Variants in AUH observed in about 807,000 individuals in gnomAD.
AUH encodes AU RNA binding methylglutaconyl-CoA hydratase.
AUH carries 29 observed loss-of-function variants against 42.3 expected under a neutral mutation model. That is an observed-to-expected ratio of 0.69 (90% confidence interval 0.51 to 0.93). AUH has a LOEUF of 0.93. AUH is among the 40% of genes least tolerant of loss of function. AUH has a pLI of 0.00. For synonymous variants in AUH, 174 were observed against 166.4 expected (o/e 1.05, Z -0.35); for missense variants, 452 against 438.1 (o/e 1.03, Z -0.28).
At chr9:91,349,318 G>A (rs1013177694) in intron 3 of AUH, among the ~76,000 whole-genome samples, 3 of 152,094 alleles carry the variant, frequency 2.0e-5, no homozygotes, top group African/African-American at 7.2e-5. Context: ...AAACAATTTA[G>A]GGTTCTACAT....
At chr9:91,224,115 TGTC>T (rs1827293774) in intron 6 of AUH, among the ~76,000 whole-genome samples, 1 of 152,170 alleles carries the variant, frequency 6.6e-6, no homozygotes, top group African/African-American at 2.4e-5. Context: ...TGGCAATACT[TGTC>T]GTGACAGTGA....
rs573502119 is a variant in AUH at position 91,214,265 on chromosome 9, T to A, written c.*83A>T. 136 of 1,182,602 alleles carry A rather than the reference T, an allele frequency of 1.2e-4. 3 individuals are homozygous for A. The South Asian group carries it at 1.8e-3, about 15-fold the overall frequency. 73.3% of individuals were successfully genotyped at this position (1,182,602 alleles called of 1,614,324 possible). ...CTTCACTTTGGTCATTAAGGTTCCATGTGCTGAGGCATATAGTGGATCCGA... is the reference window on the plus strand; with the variant it reads ...CTTCACTTTGGTCATTAAGGTTCCAAGTGCTGAGGCATATAGTGGATCCGA... On this transcript the variant is annotated 3_prime_UTR_variant, in exon 10 of 10. Coordinates refer to ENST00000375731, the MANE Select transcript of AUH (RefSeq NM_001698.3).
intron 6 of AUH, among the ~76,000 whole-genome samples, chr9:91,273,691 T>C (rs1825333411): frequency 6.6e-6 from 1 of 152,216 alleles, no homozygotes; most frequent in Non-Finnish European, 1.5e-5. Context: ...AACATGCATA[T>C]GTGTACATTC....
intron 3 of AUH, among the ~76,000 whole-genome samples, chr9:91,352,686 GC>G (rs2132058199): frequency 6.6e-6 from 1 of 152,190 alleles, no homozygotes; most frequent in African/African-American, 2.4e-5. Flanking sequence ...AAAAGATGTA[GC>G]CAAATTTACT....
At chr9:91,329,138 G>A (rs1830151540) in intron 3 of AUH, among the ~76,000 whole-genome samples, 2 of 151,768 alleles carry the variant, frequency 1.3e-5, no homozygotes, top group Admixed American at 6.6e-5. Flanking sequence ...TCCCTTCATC[G>A]GATGACAGAT....
At chr9:91,355,755 TA>T in intron 3 of AUH, 127 bp downstream of exon 3, 1 of 802,170 alleles carries the variant, frequency 1.2e-6, no homozygotes. Flanking sequence ...TGTGAATCAG[TA>T]AAACACAGAC....
At chr9:91,318,733 G>A (rs1829348195) in intron 4 of AUH, among the ~76,000 whole-genome samples, 1 of 152,216 alleles carries the variant, frequency 6.6e-6, no homozygotes. Flanking sequence ...TTCAGGATAA[G>A]CCATAGGAGC....
intron 1 of AUH, among the ~76,000 whole-genome samples, chr9:91,361,085 A>G (rs563298507): frequency 1.2e-3 from 177 of 152,350 alleles, no homozygotes; most frequent in Non-Finnish European, 1.5e-3. Context: ...GAGGAAAATA[A>G]AAAGTGCTCA....
intron 3 of AUH, among the ~76,000 whole-genome samples, chr9:91,339,007 C>T (rs1830905391): frequency 6.6e-6 from 1 of 152,020 alleles, no homozygotes; most frequent in Non-Finnish European, 1.5e-5. Flanking sequence ...GTGAGGAAAC[C>T]TAACATTACC....
intron 1 of AUH, 42 bp downstream of exon 1, chr9:91,361,586 G>T: frequency 1.9e-6 from 3 of 1,556,254 alleles, no homozygotes; most frequent in Admixed American, 1.9e-5. Flanking sequence ...GAGAGCGAGC[G>T]GCCGCCCGCT....
intron 1 of AUH, 87 bp from the exon 2 acceptor site, chr9:91,356,242 G>T: frequency 1.9e-6 from 2 of 1,051,808 alleles, no homozygotes; most frequent in Non-Finnish European, 2.9e-6. Context: ...AGCTAGCTTC[G>T]AACTTAACAA....
At chr9:91,243,600 C>T (rs184866033) in intron 6 of AUH, among the ~76,000 whole-genome samples, 1 of 152,272 alleles carries the variant, frequency 6.6e-6, no homozygotes, top group Admixed American at 6.5e-5. Context: ...GCTAGTGCTA[C>T]AAGAAAAGGC....
rs1491379388 is a variant in AUH at position 91,313,821 on chromosome 9, C to CT, written c.505+11496dup. 4.8e-4 allele frequency among the ~76,000 whole-genome samples: 54 copies of CT among 112,294 alleles called. 2 individuals are homozygous for CT. Among genetic ancestry groups the CT allele is most frequent in the East Asian group, 4.8e-3 (19 of 3,966 alleles). The allele number at this position is 112,294 out of a possible 152,430, so 73.7% of individuals were successfully genotyped here. On this transcript the variant is annotated intron_variant, in intron 4 of 9. Transcript: ENST00000375731. ...CTGTGCAGTATCTGGTCCATAAACG[C>CT]TCTTTTTTTTTTTTTTTTGAGACCG...
chr9:91,284,955 A>C (rs1167111436), intron 6 of AUH, among the ~76,000 whole-genome samples: 1 of 152,212 alleles, frequency 6.6e-6, no homozygotes, highest in Non-Finnish European at 1.5e-5. Flanking sequence ...CCATCCCGTT[A>C]CTGGGTATAC....
At chr9:91,227,192 T>C (rs1827553656) in intron 6 of AUH, among the ~76,000 whole-genome samples, 1 of 151,254 alleles carries the variant, frequency 6.6e-6, no homozygotes, top group Non-Finnish European at 1.5e-5. Flanking sequence ...GAGCATGGAA[T>C]GTTCTTCCAT....
At chr9:91,355,583 T>G (rs1019601913) in intron 3 of AUH, among the ~76,000 whole-genome samples, 3 of 151,766 alleles carry the variant, frequency 2.0e-5, no homozygotes, top group African/African-American at 7.3e-5. Context: ...CTAAAGAATA[T>G]TGGCCACAAT....
At chr9:91,312,314 A>G (rs1393126942) in intron 4 of AUH, among the ~76,000 whole-genome samples, 1 of 152,244 alleles carries the variant, frequency 6.6e-6, no homozygotes, top group Admixed American at 6.5e-5. Flanking sequence ...AAATGTGAAT[A>G]TAACAGGAGG....
intron 6 of AUH, among the ~76,000 whole-genome samples, chr9:91,290,937 A>G (rs1381501826): frequency 6.6e-6 from 1 of 152,208 alleles, no homozygotes; most frequent in Non-Finnish European, 1.5e-5. Context: ...ACAAATTGCC[A>G]TAAACCTGGT....
intron 3 of AUH, among the ~76,000 whole-genome samples, chr9:91,336,119 G>C (rs1830667048): frequency 6.6e-6 from 1 of 152,070 alleles, no homozygotes; most frequent in East Asian, 1.9e-4. Context: ...AAAAATAATA[G>C]TGAAAAAACA....
Sources: gnomAD v4.1 joint callset for allele counts (sites outside exome capture counted in the v4.1 genomes callset) on GRCh38, gnomAD v4.1.1 for gene constraint, MANE v1.5 for transcripts, NCBI Gene and HGNC (gene_info 2026-07-23, HGNC 2026-07-21) for gene names.